Variants in PDIA6 observed in about 807,000 individuals in gnomAD.
PDIA6 encodes the protein protein disulfide isomerase family A member 6.
In PDIA6, 29 loss-of-function variants were observed where a neutral mutation model predicts 58.4. The observed-to-expected ratio is 0.50, with a 90% CI of 0.37 to 0.68. The LOEUF (loss-of-function observed/expected upper bound fraction) is 0.68. Ranked by LOEUF, PDIA6 falls within the 30% of genes least tolerant of loss-of-function variation. The pLI is 0.00. For missense variants in PDIA6, 480 were observed against 551.0 expected (o/e 0.87, Z 1.29); for synonymous variants, 192 against 202.6 (o/e 0.95, Z 0.44).
exon 1 of PDIA6, chr2:10,832,246 C>G (rs895448787): frequency 1.0e-5 from 2 of 193,732 alleles, no homozygotes; most frequent in Non-Finnish European, 1.9e-5. Flanking sequence ...TAAGAATGCT[C>G]ACAACAGCAG....
At chr2:10,786,871 A>G (rs1665786792) in intron 11 of PDIA6, among the ~76,000 whole-genome samples, 1 of 152,216 alleles carries the variant, frequency 6.6e-6, no homozygotes, top group South Asian at 2.1e-4. Context: ...TTTCAAATAA[A>G]TAACTACATT....
rs185646781 is a variant in PDIA6, at chr2:10,826,155, G to A, written c.-48+6047C>T. Among the ~76,000 whole-genome samples the A allele has an allele frequency of 5.4e-4, 82 of 152,314 alleles. 1 individual carries two copies. The highest frequency in any genetic ancestry group is 1.4e-3 in the Admixed American group (21 of 15,294). On this transcript the variant is annotated intron_variant, in intron 1 of 13. Transcript: ENST00000381611. ...ATTCAGCTATTAAAAGGAAGGAAGC[G>A]CAGTGGCATGCCACGATATGGATTG...
chr2:10,813,033 C>T (rs955005992), upstream of PDIA6, among the ~76,000 whole-genome samples: 1 of 152,114 alleles, frequency 6.6e-6, no homozygotes, highest in Non-Finnish European at 1.5e-5. Flanking sequence ...TCCTCCGGGC[C>T]CTCTCGGGGT....
Position 10,788,568 on chromosome 2 carries a change from G to GAA in PDIA6, c.998+127_998+128dup, listed in dbSNP as rs139639749. On this transcript the variant is annotated intron_variant, in intron 10 of 12. Coordinates refer to ENST00000272227, the MANE Select transcript of PDIA6 (RefSeq NM_005742.4). The stretch of plus-strand genomic sequence containing the variant: ...CTACTTGGGAGGCTGAGGCAGGAGG[G>GAA]AAAAAAAAAAAAAACATATAGCAGA... 0.2 allele frequency: 119,509 copies of GAA among 591,792 alleles called. 4,861 individuals carry two copies. The highest frequency in any genetic ancestry group is 0.23 in the Non-Finnish European group (77,901 of 337,452). The allele number at this position is 591,792 out of a possible 1,614,324, so 36.7% of individuals were successfully genotyped here. A position where few individuals can be genotyped will look rare whatever the true frequency, so the allele number is the denominator to read the frequency against.
At chr2:10,792,914 G>A (rs910661272) in intron 5 of PDIA6, among the ~76,000 whole-genome samples, 182 bp downstream of exon 5, 6 of 152,176 alleles carry the variant, frequency 3.9e-5, no homozygotes, top group African/African-American at 1.4e-4. Flanking sequence ...CAATTCTGAG[G>A]AGGCCAAATG....
chr2:10,833,109 C>T (rs1667749866), upstream of PDIA6, among the ~76,000 whole-genome samples: 1 of 152,096 alleles, frequency 6.6e-6, no homozygotes, highest in African/African-American at 2.4e-5. Flanking sequence ...AAAGCATCCC[C>T]TCCCCTGCCT....
chr2:10,824,407 C>T (rs1191818588), intron 1 of PDIA6, among the ~76,000 whole-genome samples: 3 of 152,226 alleles, frequency 2.0e-5, no homozygotes, highest in Non-Finnish European at 4.4e-5. Flanking sequence ...ATTCTAGCAG[C>T]GTTGTCCAGC....
chr2:10,792,966 A>G (rs921932217), intron 5 of PDIA6, 130 bp downstream of exon 5: 9 of 684,128 alleles, frequency 1.3e-5, no homozygotes, highest in Admixed American at 1.1e-4. Flanking sequence ...CGGTGGATCC[A>G]ATCCTCTATT....
intron 1 of PDIA6, among the ~76,000 whole-genome samples, chr2:10,804,572 T>C (rs1439869961): frequency 2.3e-5 from 3 of 131,216 alleles, no homozygotes; most frequent in Non-Finnish European, 3.4e-5. Context: ...TTGGTTACTG[T>C]AGCCTTGTAG....
At chr2:10,813,571 C>T (rs139191345), upstream of PDIA6, among the ~76,000 whole-genome samples, 3 of 152,366 alleles carry the variant, frequency 2.0e-5, no homozygotes, top group East Asian at 5.8e-4. Context: ...AGTGAGCCTC[C>T]TGCCTCGGCC....
chr2:10,801,274 T>C (rs1572673688), intron 2 of PDIA6, among the ~76,000 whole-genome samples: 1 of 152,002 alleles, frequency 6.6e-6, no homozygotes, highest in East Asian at 1.9e-4. Context: ...AGACCCTGTC[T>C]CTCAAAAAAA....
At chr2:10,832,363 C>CA in exon 1 of PDIA6, 1 of 957,240 alleles carries the variant, frequency 1.0e-6, no homozygotes, top group Non-Finnish European at 1.2e-6. Context: ...TGAGAATGAG[C>CA]AAACTGCAGC....
At chr2:10,812,831 G>T, upstream of PDIA6, 2 of 1,176,074 alleles carry the variant, frequency 1.7e-6, no homozygotes, top group South Asian at 8.4e-5. Flanking sequence ...CGCGGGGGCG[G>T]GCCGGAAGGC....
intron 6 of PDIA6, among the ~76,000 whole-genome samples, 173 bp downstream of exon 6, chr2:10,791,622 G>A (rs986750373): frequency 1.3e-5 from 2 of 152,224 alleles, no homozygotes; most frequent in Non-Finnish European, 2.9e-5. Context: ...TTGGCAATAG[G>A]AGAGTGGAAG....
intron 4 of PDIA6, 56 bp downstream of exon 4, chr2:10,797,022 TTAA>T (rs1666294319): frequency 6.7e-7 from 1 of 1,501,402 alleles, no homozygotes; most frequent in East Asian, 2.3e-5. Flanking sequence ...CTCAAGCTTG[TTAA>T]AGAACAGTAG....
At chr2:10,803,024 A>G (rs541155906) in intron 1 of PDIA6, among the ~76,000 whole-genome samples, 2 of 152,366 alleles carry the variant, frequency 1.3e-5, no homozygotes, top group South Asian at 2.1e-4. Flanking sequence ...ACCCTGGGCA[A>G]TCACGTAGTA....
intron 2 of PDIA6, 61 bp downstream of exon 2, chr2:10,802,438 A>G: frequency 2.8e-6 from 3 of 1,063,384 alleles, no homozygotes; most frequent in Non-Finnish European, 3.8e-6. Flanking sequence ...ATTTTTATAC[A>G]GCGTTTTCTC....
chr2:10,798,132 C>G (rs1473270439), intron 2 of PDIA6, among the ~76,000 whole-genome samples: 3 of 152,048 alleles, frequency 2.0e-5, no homozygotes, highest in Admixed American at 1.3e-4. Flanking sequence ...GTTGCAAGAG[C>G]TGAGATCATG....
At position 10,812,765 on chromosome 2, in the gene PDIA6, G is replaced by GCGCCCCCGCGCCCACGTCC. The variant is rs1167392862; in HGVS notation, c.-88_-70dup. Reference sequence around the variant, plus strand: ...TCAGCCCTGCAGCGTGCCGCACGCCGCGCCCCCGCGCCCACGTCCCGCCCC... The same window carrying GCGCCCCCGCGCCCACGTCC: ...TCAGCCCTGCAGCGTGCCGCACGCCGCGCCCCCGCGCCCACGTCCCGCCCCCGCGCCCACGTCCCGCCCC... On this transcript the variant is annotated 5_prime_UTR_variant, in exon 1 of 13. Coordinates refer to ENST00000272227, the MANE Select transcript of PDIA6 (RefSeq NM_005742.4). The GCGCCCCCGCGCCCACGTCC allele has an allele frequency of 4.5e-6, 6 of 1,337,602 alleles. No homozygotes were observed. The African/African-American group carries it at 6.1e-5, about 14-fold the overall frequency. 82.9% of individuals were successfully genotyped at this position (1,337,602 alleles called of 1,614,324 possible). A position where few individuals can be genotyped will look rare whatever the true frequency, so the allele number is the denominator to read the frequency against.
Sources: gnomAD v4.1 joint callset for allele counts (sites outside exome capture counted in the v4.1 genomes callset) on GRCh38, gnomAD v4.1.1 for gene constraint, MANE v1.5 for transcripts, NCBI Gene and HGNC (gene_info 2026-07-23, HGNC 2026-07-21) for gene names.